Variants in SLC17A4 observed in about 807,000 individuals in gnomAD.
SLC17A4 encodes the protein solute carrier family 17 member 4.
SLC17A4 carries 33 observed loss-of-function variants against 52.5 expected under a neutral mutation model. That is an observed-to-expected ratio of 0.63 (90% CI 0.48 to 0.84). SLC17A4 has a LOEUF of 0.84. Among genes scored for constraint, SLC17A4 ranks in the 40% least tolerant of loss-of-function variants. SLC17A4 has a pLI of 0.00. For missense variants in SLC17A4, 585 were observed against 597.1 expected (o/e 0.98, Z 0.21); for synonymous variants, 225 against 216.2 (o/e 1.04, Z -0.36).
At position 25,769,170 on chromosome 6, in the gene SLC17A4, C is replaced by CT. The variant is rs1193396727; in HGVS notation, c.278dup (p.Glu95ArgfsTer3). 3 of 1,613,892 alleles carry CT rather than the reference C, an allele frequency of 1.9e-6. No homozygotes were observed. The highest frequency in any genetic ancestry group is 2.7e-5 in the African/African-American group (2 of 75,010). On this transcript the variant is annotated frameshift_variant, in exon 3 of 12. Coordinates refer to ENST00000377905, the MANE Select transcript of SLC17A4 (RefSeq NM_005495.3). LOFTEE classifies it high-confidence loss of function. Reference sequence around the variant, plus strand: ...CTCCCAGGGCTACTGGAATGAAACTCTAAAAGAATTTAAAGCAATGGTAAG... The same window carrying CT: ...CTCCCAGGGCTACTGGAATGAAACTCTTAAAAGAATTTAAAGCAATGGTAAG...
chr6:25,777,596 ACAACAAC>A, intron 10 of SLC17A4: 3 of 203,388 alleles, frequency 1.5e-5, no homozygotes, highest in African/African-American at 4.9e-5. Flanking sequence ...AACAACAACA[ACAACAAC>A]AACAAAAACC....
At chr6:25,773,825 GGATTCT>G (rs374975362) in intron 8 of SLC17A4, 151 bp downstream of exon 8, 1 of 710,382 alleles carries the variant, frequency 1.4e-6, no homozygotes, top group African/African-American at 1.8e-5. Flanking sequence ...TAGTTAATTT[GGATTCT>G]GATTGATCTC....
In SLC17A4 at chr6:25,779,070, G is replaced by A; in HGVS notation, c.1376G>A (p.Trp459Ter). 6.2e-7 allele frequency: 1 copy of A among 1,613,754 alleles called. No individual in the cohort carries two copies. The highest frequency in any genetic ancestry group is 8.5e-7 in the Non-Finnish European group (1 of 1,179,720). Residue 459 changes from tryptophan (W) to a stop codon, truncating the protein, a stop_gained, in exon 12 of 12, where the codon TGG becomes TAG. Coordinates refer to ENST00000377905, the MANE Select transcript of SLC17A4 (RefSeq NM_005495.3). LOFTEE classifies it low-confidence loss of function (END_TRUNC). ...FFISQDSEFG[W>*]RNVFLLSAAV... is the part of the protein sequence containing the mutation. ...TGCCTCCAGGATTCAGAGTTTGGTTGGAGAAATGTCTTCTTGCTTTCAGCT... is the reference window on the plus strand; with the variant it reads ...TGCCTCCAGGATTCAGAGTTTGGTTAGAGAAATGTCTTCTTGCTTTCAGCT...
chr6:25,758,212 T>C (rs1047167239), intron 1 of SLC17A4, among the ~76,000 whole-genome samples: 1 of 152,164 alleles, frequency 6.6e-6, no homozygotes, highest in Non-Finnish European at 1.5e-5. Context: ...CTGAATGACC[T>C]CCTTGCAGGC....
At chr6:25,774,095 C>T (rs1369286328) in intron 8 of SLC17A4, among the ~76,000 whole-genome samples, 1 of 152,066 alleles carries the variant, frequency 6.6e-6, no homozygotes, top group East Asian at 1.9e-4. Context: ...ACATAAACAA[C>T]ATATGCTGAA....
At chr6:25,769,448 C>A (rs559678870) in intron 3 of SLC17A4, among the ~76,000 whole-genome samples, 4 of 151,984 alleles carry the variant, frequency 2.6e-5, no homozygotes, top group Non-Finnish European at 5.9e-5. Context: ...ATCCCAGCTA[C>A]TCTGGAGGCT....
chr6:25,777,008 G>A, intron 10 of SLC17A4, 49 bp downstream of exon 10: 1 of 1,557,456 alleles, frequency 6.4e-7, no homozygotes, highest in Non-Finnish European at 8.7e-7. Context: ...TTCAAGTCTA[G>A]CAGCCCTAAA....
At chr6:25,766,236 CAACT>C (rs1489555964) in intron 2 of SLC17A4, among the ~76,000 whole-genome samples, 1 of 151,064 alleles carries the variant, frequency 6.6e-6, no homozygotes, top group African/African-American at 2.4e-5. Flanking sequence ...TGTCAAAAAA[CAACT>C]AAGAAATGAA....
intron 8 of SLC17A4, 104 bp downstream of exon 8, chr6:25,773,778 T>A: frequency 7.9e-7 from 1 of 1,259,712 alleles, no homozygotes; most frequent in Non-Finnish European, 1.1e-6. Context: ...ATCGGGGGAT[T>A]AGGACCAGGC....
At chr6:25,773,875 A>G (rs1382340274) in intron 8 of SLC17A4, among the ~76,000 whole-genome samples, 1 of 152,186 alleles carries the variant, frequency 6.6e-6, no homozygotes, top group Non-Finnish European at 1.5e-5. Context: ...GGAGGATGAT[A>G]CATATGGTTC....
intron 8 of SLC17A4, 117 bp downstream of exon 8, chr6:25,773,791 G>C (rs191113373): frequency 9.9e-7 from 1 of 1,011,560 alleles, no homozygotes; most frequent in African/African-American, 1.6e-5. Flanking sequence ...GACCAGGCAG[G>C]ACCTCCATAT....
chr6:25,778,984 C>G, intron 11 of SLC17A4, 70 bp from the exon 12 acceptor site: 1 of 1,587,232 alleles, frequency 6.3e-7, no homozygotes, highest in Non-Finnish European at 8.6e-7. Context: ...GACACAGAGC[C>G]AAAGCCTTTC....
Position 25,761,976 on chromosome 6 carries a change from C to A in SLC17A4, c.14C>A (p.Pro5Gln). The A allele has an allele frequency of 6.2e-7, 1 of 1,613,210 alleles. No homozygotes were observed. The highest frequency in any genetic ancestry group is 8.5e-7 in the Non-Finnish European group (1 of 1,179,704). Reference protein sequence around the residue: MSTGPDVKATVGDIS... With the variant: MSTGQDVKATVGDIS... ...GAGAGAACCAAAATGTCTACCGGAC[C>A]AGATGTCAAGGCTACAGTGGGGGAC... is the stretch of plus-strand genomic sequence containing the variant. The change falls in exon 2 of 12, where the codon CCA (proline) becomes CAA (glutamine). Residue 5 changes from proline (P) to glutamine (Q), a missense_variant. Transcript: ENST00000377905.
chr6:25,768,043 A>T (rs991369932), intron 2 of SLC17A4, among the ~76,000 whole-genome samples: 2 of 152,234 alleles, frequency 1.3e-5, no homozygotes, highest in Non-Finnish European at 2.9e-5. Flanking sequence ...CTTCTTGACT[A>T]GAAGACAATC....
chr6:25,767,557 A>T (rs1582686686), intron 2 of SLC17A4, among the ~76,000 whole-genome samples: 1 of 152,202 alleles, frequency 6.6e-6, no homozygotes, highest in Non-Finnish European at 1.5e-5. Context: ...TGATTCTAGG[A>T]TTAAAATACA....
chr6:25,769,268 T>C, intron 3 of SLC17A4, 78 bp downstream of exon 3: 1 of 1,307,982 alleles, frequency 7.6e-7, no homozygotes, highest in South Asian at 1.3e-5. Context: ...GTGAGATTCA[T>C]TTAACCACTA....
chr6:25,760,885 A>C (rs1195590586), intron 1 of SLC17A4, among the ~76,000 whole-genome samples: 3 of 152,180 alleles, frequency 2.0e-5, no homozygotes, highest in Non-Finnish European at 4.4e-5. Context: ...GCATACTTAC[A>C]TAATGTCTTT....
intron 1 of SLC17A4, among the ~76,000 whole-genome samples, chr6:25,758,705 T>C (rs917602560): frequency 6.6e-6 from 1 of 151,794 alleles, no homozygotes; most frequent in Non-Finnish European, 1.5e-5. Flanking sequence ...GTGTCGCTGA[T>C]GGTCTGGCAA....
intron 1 of SLC17A4, among the ~76,000 whole-genome samples, chr6:25,760,689 C>G (rs1257061537): frequency 6.6e-6 from 1 of 152,142 alleles, no homozygotes; most frequent in East Asian, 1.9e-4. Flanking sequence ...TTATTCTGTA[C>G]AATTTACATA....
Sources: allele counts gnomAD v4.1 joint callset (sites outside exome capture counted in the v4.1 genomes callset), GRCh38; gene constraint gnomAD v4.1.1; transcripts MANE v1.5; gene names NCBI Gene and HGNC (gene_info 2026-07-23, HGNC 2026-07-21).